MAP3K13: variants seen among roughly 807,000 people sequenced by gnomAD.
MAP3K13 encodes leucine zipper-bearing kinase.
A neutral mutation model predicts 104.0 loss-of-function variants in MAP3K13; 52 were observed. The ratio of observed to expected loss-of-function variants is 0.50; its 90% CI spans 0.40 to 0.63. MAP3K13 has a LOEUF of 0.63. MAP3K13 is among the 20% of genes least tolerant of loss of function. The pLI is 0.00. For synonymous variants in MAP3K13, 394 were observed against 442.2 expected (o/e 0.89, Z 1.37); for missense variants, 914 against 1,218.5 (o/e 0.75, Z 3.72).
intron 2 of MAP3K13, among the ~76,000 whole-genome samples, chr3:185,345,524 C>T (rs1722889151): frequency 6.6e-6 from 1 of 152,166 alleles, no homozygotes; most frequent in Non-Finnish European, 1.5e-5. Flanking sequence ...TGCATTATTC[C>T]CTGAGTTCCC....
chr3:185,347,961 G>A (rs149769750), intron 2 of MAP3K13, among the ~76,000 whole-genome samples: 2,780 of 146,480 alleles, frequency 0.019, 89 homozygotes, highest in African/African-American at 0.068. Context: ...GCAGTGAGCC[G>A]AGATTGCATC....
intron 10 of MAP3K13, among the ~76,000 whole-genome samples, chr3:185,467,740 G>A (rs528460597): frequency 3.4e-5 from 5 of 148,236 alleles, no homozygotes; most frequent in Non-Finnish European, 7.4e-5. Flanking sequence ...CTGAGATCAT[G>A]CCACTGCACC....
rs760314971 is a variant in MAP3K13, at chr3:185,429,037, T to C, written c.456T>C (p.Asp152=). 3 of 1,612,296 alleles carry C rather than the reference T, an allele frequency of 1.9e-6. No homozygotes were observed. Among genetic ancestry groups the C allele is most frequent in the South Asian group, 2.2e-5 (2 of 91,014 alleles). ...WNIIGKAYST[D]YKLQQQDTWE... is the part of the protein sequence containing the mutation. ...TCATTGGGAAGGCATATTCCACTGA[T>C]TACAAATTGCAGCAGCAAGGTAAGC... Residue 152 remains aspartate, a synonymous_variant, in exon 2 of 14, where the codon GAT becomes GAC. Coordinates refer to ENST00000265026, the MANE Select transcript of MAP3K13 (RefSeq NM_004721.5).
At chr3:185,292,498 C>A in intron 2 of MAP3K13, 1 of 239,548 alleles carries the variant, frequency 4.2e-6, no homozygotes, top group Non-Finnish European at 6.8e-6. Flanking sequence ...CCTCTCTGAA[C>A]CTTAACTTCG....
At chr3:185,310,235 C>G (rs929392175) in intron 2 of MAP3K13, among the ~76,000 whole-genome samples, 2 of 152,306 alleles carry the variant, frequency 1.3e-5, no homozygotes, top group South Asian at 4.1e-4. Flanking sequence ...TAGATTCTCT[C>G]TCTTTGGAAT....
rs1036487472 is a variant in MAP3K13, at chr3:185,486,293, G to C, written c.*3837G>C. On this transcript the variant is annotated 3_prime_UTR_variant, in exon 14 of 14. Transcript: ENST00000265026. ...TGTTATGAGTATGTTAGGGTAGTAC[G>C]TAGTGGCTGAATCTCAGTCATTCAT... is the stretch of plus-strand genomic sequence containing the variant. 2.6e-5 allele frequency: 4 copies of C among 152,188 alleles called. No individual in the cohort carries two copies. The highest frequency in any genetic ancestry group is 3.2e-3 in the Middle Eastern group (1 of 316). The allele number at this position is 152,188 out of a possible 1,614,324, so 9.4% of individuals were successfully genotyped here. A position where few individuals can be genotyped will look rare whatever the true frequency, so the allele number is the denominator to read the frequency against.
At chr3:185,455,422 T>TGATATATATATGAGATATATATATGA (rs1716494386) in intron 7 of MAP3K13, among the ~76,000 whole-genome samples, 2 of 47,042 alleles carry the variant, frequency 4.3e-5, no homozygotes, top group Non-Finnish European at 8.8e-5. Flanking sequence ...GAGATATATA[T>TGATATATATATGAGATATATATATGA]GATATATATG....
chr3:185,404,747 T>C lies in MAP3K13; in HGVS notation c.-85-23750T>C, dbSNP rs1215225354. Among the ~76,000 whole-genome samples the C allele has an allele frequency of 2.0e-5, 3 of 152,250 alleles. No homozygotes were observed. In the East Asian group the frequency reaches 5.8e-4, roughly 29 times the overall value. On this transcript the variant is annotated intron_variant, in intron 1 of 13. Transcript: ENST00000265026. ...GCCCGCCACCACGCCCGGCTAATTT[T>C]TGTATTTTTAGTACAGATGGGGTTT... is the stretch of plus-strand genomic sequence containing the variant.
chr3:185,406,698 T>A (rs1260449042), intron 1 of MAP3K13, among the ~76,000 whole-genome samples: 1 of 152,242 alleles, frequency 6.6e-6, no homozygotes, highest in Non-Finnish European at 1.5e-5. Flanking sequence ...TCAGTTATTA[T>A]GTGAAGAAGG....
In MAP3K13 at chr3:185,488,847, AC is replaced by A. The variant is rs1388031821; in HGVS notation, c.*6394del. Reference sequence around the variant, plus strand: ...CTTCCCAGACTCTGGAAGTGGGAAGACCCTCTTTGACGCTTTATTACAGTAA... The same window carrying A: ...CTTCCCAGACTCTGGAAGTGGGAAGACCTCTTTGACGCTTTATTACAGTAA... On this transcript the variant is annotated 3_prime_UTR_variant, in exon 14 of 14. Coordinates refer to ENST00000265026, the MANE Select transcript of MAP3K13 (RefSeq NM_004721.5). 6.6e-6 allele frequency: 1 copy of A among 152,190 alleles called. No homozygotes were observed. Among genetic ancestry groups the A allele is most frequent in the African/African-American group, 2.4e-5 (1 of 41,444 alleles). The allele number at this position is 152,190 out of a possible 1,614,324, so 9.4% of individuals were successfully genotyped here. A position where few individuals can be genotyped will look rare whatever the true frequency, so the allele number is the denominator to read the frequency against.
intron 2 of MAP3K13, among the ~76,000 whole-genome samples, chr3:185,322,977 C>A (rs1274898563): frequency 1.3e-5 from 2 of 152,170 alleles, no homozygotes; most frequent in Non-Finnish European, 2.9e-5. Context: ...TTGGTTCTAA[C>A]TTCTCCTTTC....
chr3:185,462,260 C>T (rs1267612169), intron 7 of MAP3K13, among the ~76,000 whole-genome samples: 2 of 152,026 alleles, frequency 1.3e-5, no homozygotes, highest in African/African-American at 4.8e-5. Flanking sequence ...TTTTTTTCTA[C>T]CCCCTAAAAT....
chr3:185,480,583 G>A, intron 13 of MAP3K13, 54 bp downstream of exon 13: 1 of 1,564,268 alleles, frequency 6.4e-7, no homozygotes. Flanking sequence ...GCTCTTTGGG[G>A]TTCAAGTCTC....
chr3:185,355,552 T>G (rs1022975910), intron 2 of MAP3K13, among the ~76,000 whole-genome samples: 3 of 152,150 alleles, frequency 2.0e-5, no homozygotes, highest in Admixed American at 1.3e-4. Context: ...GGAGAATCAC[T>G]TGAACCTAGG....
chr3:185,367,481 T>C (rs115587349), intron 1 of MAP3K13, among the ~76,000 whole-genome samples: 40 of 152,324 alleles, frequency 2.6e-4, no homozygotes, highest in African/African-American at 9.4e-4. Flanking sequence ...AGAAGATTCA[T>C]ACCAGAAAGC....
At chr3:185,447,291 G>A (rs916608952) in intron 4 of MAP3K13, among the ~76,000 whole-genome samples, 1 of 151,716 alleles carries the variant, frequency 6.6e-6, no homozygotes, top group African/African-American at 2.4e-5. Context: ...AGGAGTTCGA[G>A]ACCAGCCTGG....
intron 1 of MAP3K13, among the ~76,000 whole-genome samples, chr3:185,384,029 A>G (rs73052897): frequency 0.12 from 18,798 of 152,150 alleles, 1,228 homozygotes; most frequent in African/African-American, 0.13. Context: ...TGTGCTATCA[A>G]ACACTAAAAC....
intron 7 of MAP3K13, among the ~76,000 whole-genome samples, chr3:185,457,516 T>C (rs1392747535): frequency 2.0e-5 from 3 of 152,182 alleles, no homozygotes; most frequent in African/African-American, 4.8e-5. Context: ...ACAAGCTCCC[T>C]TGGGCCTATT....
chr3:185,454,533 G>GT (rs1716185557), intron 7 of MAP3K13, among the ~76,000 whole-genome samples: 1 of 35,308 alleles, frequency 2.8e-5, no homozygotes, highest in Non-Finnish European at 7.1e-5. Context: ...CCATATATAT[G>GT]AGATATATAT....
Sources: allele counts gnomAD v4.1 joint callset (sites outside exome capture counted in the v4.1 genomes callset), GRCh38; gene constraint gnomAD v4.1.1; transcripts MANE v1.5; gene names NCBI Gene and HGNC (gene_info 2026-07-23, HGNC 2026-07-21).